The following CPSF4L variants were observed in gnomAD, a reference collection of about 807,000 sequenced individuals.
CPSF4L encodes putative cleavage and polyadenylation specificity factor subunit 4-like protein.
Under a neutral mutation model 24.0 loss-of-function variants are expected in CPSF4L, and 18 were observed. That is an observed-to-expected ratio of 0.75 (90% CI 0.52 to 1.11). The LOEUF (loss-of-function observed/expected upper bound fraction) is 1.11, where lower values mean the gene tolerates loss of function less well. CPSF4L is among the 50% of genes least tolerant of loss of function. The pLI is 0.00. For missense variants in CPSF4L, 211 were observed against 221.8 expected, an observed-to-expected ratio of 0.95 and a Z score of 0.31; for synonymous variants, 72 against 77.2, an observed-to-expected ratio of 0.93 and a Z score of 0.35.
chr17:73,242,319 C>T, the CPSF4L span: 3 of 1,604,006 alleles, frequency 1.9e-6, no homozygotes, highest in African/African-American at 2.7e-5. Context: ...TCCAACTTCT[C>T]TCTAATGAGG....
upstream of CPSF4L, among the ~76,000 whole-genome samples, chr17:73,263,246 CA>C (rs1297008305): frequency 6.6e-6 from 1 of 152,168 alleles, no homozygotes; most frequent in Non-Finnish European, 1.5e-5. Context: ...AATCAAAGCC[CA>C]GGGAGGCCAA....
chr17:73,249,280 G>C (rs1466945049), intron 5 of CPSF4L, among the ~76,000 whole-genome samples: 1 of 152,136 alleles, frequency 6.6e-6, no homozygotes, highest in Non-Finnish European at 1.5e-5. Context: ...GCCAACATCT[G>C]GGGCTTGCTT....
upstream of CPSF4L, among the ~76,000 whole-genome samples, chr17:73,262,721 A>G (rs2062052090): frequency 6.6e-6 from 1 of 152,184 alleles, no homozygotes; most frequent in Admixed American, 6.5e-5. Flanking sequence ...TCTGGCCCCA[A>G]ACTGGCCTTG....
At chr17:73,247,436 A>G (rs1329997318), downstream of CPSF4L, 1 of 1,247,152 alleles carries the variant, frequency 8.0e-7, no homozygotes, top group Non-Finnish European at 1.2e-6. Flanking sequence ...ACCTAAGTGT[A>G]GTGGTAGCAT....
chr17:73,254,367 T>C (rs1313139442), intron 3 of CPSF4L, among the ~76,000 whole-genome samples: 1 of 152,202 alleles, frequency 6.6e-6, no homozygotes, highest in East Asian at 1.9e-4. Context: ...AGTGGAGATA[T>C]TTCCATGTCG....
intron 5 of CPSF4L, among the ~76,000 whole-genome samples, chr17:73,251,307 G>T (rs148120719): frequency 6.6e-6 from 1 of 152,168 alleles, no homozygotes; most frequent in East Asian, 1.9e-4. Flanking sequence ...TAAATTCCCC[G>T]CAGTCCCACA....
upstream of CPSF4L, chr17:73,261,893 CT>C (rs766216040): frequency 5.4e-5 from 61 of 1,127,220 alleles, no homozygotes; most frequent in Non-Finnish European, 7.6e-5. Flanking sequence ...ATCAGAGGCC[CT>C]TAAGGGGCCA....
At chr17:73,254,230 G>T (rs2062016012) in intron 3 of CPSF4L, among the ~76,000 whole-genome samples, 1 of 152,232 alleles carries the variant, frequency 6.6e-6, no homozygotes, top group Admixed American at 6.5e-5. Flanking sequence ...GCTAAGCAGG[G>T]CATGGTCTGA....
chr17:73,250,041 C>T, intron 5 of CPSF4L: 1 of 477,116 alleles, frequency 2.1e-6, no homozygotes, highest in South Asian at 4.0e-5. Flanking sequence ...TAACTCGTTC[C>T]TGCCAATCTG....
At chr17:73,247,361 G>A, downstream of CPSF4L, 1 of 1,613,790 alleles carries the variant, frequency 6.2e-7, no homozygotes, top group East Asian at 2.2e-5. Context: ...TTAAGTAGGA[G>A]AAGCCTTCGT....
At chr17:73,242,188 A>T in the CPSF4L span, 1 of 1,187,384 alleles carries the variant, frequency 8.4e-7, no homozygotes, top group Non-Finnish European at 1.2e-6. Flanking sequence ...ACTGGATGTT[A>T]GGGAAGGGGG....
the CPSF4L span, chr17:73,242,271 A>C: frequency 1.7e-5 from 28 of 1,603,276 alleles, no homozygotes; most frequent in African/African-American, 2.7e-5. Context: ...AGCTCAACTC[A>C]TATAAGGAGT....
chr17:73,259,389 C>G (rs1187096908), intron 2 of CPSF4L, among the ~76,000 whole-genome samples: 1 of 151,714 alleles, frequency 6.6e-6, no homozygotes, highest in African/African-American at 2.4e-5. Flanking sequence ...GAGATGGGGT[C>G]TCGCTATGTT....
chr17:73,249,728 T>G (rs1448296329), intron 5 of CPSF4L: 3 of 152,354 alleles, frequency 2.0e-5, no homozygotes, highest in African/African-American at 7.2e-5. Flanking sequence ...TAAATTTTTG[T>G]GTTACTACCT....
At position 73,260,943 on chromosome 17, in the gene CPSF4L, G is replaced by A; in HGVS notation, c.144C>T (p.Leu48=). 6.4e-7 allele frequency: 1 copy of A among 1,550,772 alleles called. No individual in the cohort carries two copies. The highest frequency in any genetic ancestry group is 8.7e-7 in the Non-Finnish European group (1 of 1,146,398). ...TGTCTGCTAACTCACCTTTCTCACA[G>A]AGCCCTTTAGTGAAGAAGTTGCACA... ...SAVCNFFTKG[L]CEKGKLCPFR... Residue 48 remains leucine, a synonymous_variant, in exon 2 of 6, where the codon CTC becomes CTT. Transcript: ENST00000344935.
the CPSF4L span, chr17:73,243,178 C>G: frequency 1.5e-6 from 1 of 651,116 alleles, no homozygotes; most frequent in Non-Finnish European, 2.7e-6. Context: ...TTTTGAGATA[C>G]AGTTTTGCTC....
At chr17:73,250,898 C>G in intron 5 of CPSF4L, 1 of 1,180,758 alleles carries the variant, frequency 8.5e-7, no homozygotes, top group Non-Finnish European at 1.2e-6. Context: ...AGTCATTCTC[C>G]AGCTCCCTGA....
At chr17:73,244,908 T>C (rs146988470), downstream of CPSF4L, among the ~76,000 whole-genome samples, 117 of 152,256 alleles carry the variant, frequency 7.7e-4, 1 homozygote, top group African/African-American at 2.7e-3. Flanking sequence ...CCTGCATAAA[T>C]GGAGAGGCCC....
At chr17:73,252,158 A>G (rs1188685850) in intron 5 of CPSF4L, among the ~76,000 whole-genome samples, 1 of 152,212 alleles carries the variant, frequency 6.6e-6, no homozygotes, top group South Asian at 2.1e-4. Context: ...ACTCACCTTC[A>G]TGTAACTCGG....
Sources: allele counts gnomAD v4.1 joint callset (sites outside exome capture counted in the v4.1 genomes callset), GRCh38; gene constraint gnomAD v4.1.1; transcripts MANE v1.5; gene names NCBI Gene and HGNC (gene_info 2026-07-23, HGNC 2026-07-21).